CRELD2: variants seen among roughly 807,000 people sequenced by gnomAD.
The protein encoded by CRELD2 is CRELD disulfide isomerase 2.
CRELD2 carries 33 observed loss-of-function variants against 48.1 expected under a neutral mutation model. The observed-to-expected ratio is 0.69, with a 90% CI of 0.52 to 0.92. The LOEUF is 0.92. Among genes scored for constraint, CRELD2 ranks in the 40% least tolerant of loss-of-function variants. The probability of loss-of-function intolerance (pLI) is 0.00; values close to 1 mark genes in which losing one functional copy is unlikely to be tolerated. For synonymous variants in CRELD2, 220 were observed against 203.9 expected (o/e 1.08, Z -0.67); for missense variants, 477 against 482.4 (o/e 0.99, Z 0.10).
intron 8 of CRELD2, 177 bp from the exon 9 acceptor site, chr22:49,925,240 T>C (rs994359757): frequency 1.9e-6 from 1 of 530,964 alleles, no homozygotes; most frequent in East Asian, 3.2e-5. Flanking sequence ...GGGCCCAACT[T>C]GGAGACGTGA....
At chr22:49,922,944 G>A (rs2060716617) in intron 6 of CRELD2, among the ~76,000 whole-genome samples, 1 of 95,324 alleles carries the variant, frequency 1.0e-5, no homozygotes, top group African/African-American at 6.3e-5. Flanking sequence ...GTGAGGTGTG[G>A]GGGCACTCAC....
In CRELD2 at chr22:49,924,426, G is replaced by T. The variant is rs747989649; in HGVS notation, c.839G>T (p.Gly280Val). 5 of 1,611,202 alleles carry T rather than the reference G, an allele frequency of 3.1e-6. No homozygotes were observed. The highest frequency in any genetic ancestry group is 4.2e-6 in the Non-Finnish European group (5 of 1,178,808). ...GGAAACTGTAAAGAGTGTATCTCTG[G>T]CTACGCGAGGGAGCACGGACAGTGT... is the stretch of plus-strand genomic sequence containing the variant. ...GPGNCKECISGYAREHGQCAD... is the reference protein window; with the variant it reads ...GPGNCKECISVYAREHGQCAD... The change falls in exon 8 of 10, where the codon GGC becomes GTC. Residue 280 changes from glycine (G) to valine (V), a missense_variant. Coordinates refer to ENST00000328268, the MANE Select transcript of CRELD2 (RefSeq NM_024324.5).
intron 7 of CRELD2, 104 bp downstream of exon 7, chr22:49,923,421 C>A: frequency 1.2e-6 from 1 of 866,856 alleles, no homozygotes; most frequent in Non-Finnish European, 1.9e-6. Context: ...ATACATCCTG[C>A]CTGCCCTGAG....
intron 4 of CRELD2, among the ~76,000 whole-genome samples, chr22:49,920,783 C>T (rs945850844): frequency 1.3e-5 from 2 of 152,224 alleles, no homozygotes; most frequent in South Asian, 2.1e-4. Context: ...CGTGGTCAAG[C>T]GAGATCAGGT....
chr22:49,925,214 AT>A, intron 8 of CRELD2: 1 of 478,606 alleles, frequency 2.1e-6, no homozygotes. Context: ...TCTTCTCTGC[AT>A]TTTCTACCAG....
chr22:49,923,429 G>A, intron 7 of CRELD2, 112 bp downstream of exon 7: 1 of 822,344 alleles, frequency 1.2e-6, no homozygotes, highest in Admixed American at 2.0e-5. Context: ...TGCCTGCCCT[G>A]AGAACACTTA....
chr22:49,922,901 G>GTA, intron 6 of CRELD2, among the ~76,000 whole-genome samples, 194 bp downstream of exon 6: 1 of 69,976 alleles, frequency 1.4e-5, no homozygotes, highest in South Asian at 6.3e-4. Context: ...AGCATGAGGT[G>GTA]GGGCGTGAGG....
chr22:49,920,887 T>C (rs2060678789), intron 4 of CRELD2, among the ~76,000 whole-genome samples: 1 of 152,230 alleles, frequency 6.6e-6, no homozygotes, highest in Non-Finnish European at 1.5e-5. Flanking sequence ...AGGCCGCAGC[T>C]AATGTTCCCA....
chr22:49,922,877 GTGAGGTGTGGGGGAGCA>G (rs2060712877), intron 6 of CRELD2, among the ~76,000 whole-genome samples, 170 bp downstream of exon 6: 1 of 69,628 alleles, frequency 1.4e-5, no homozygotes, highest in Non-Finnish European at 2.6e-5. Flanking sequence ...TGTGGGGGGC[GTGAGGTGTGGGGGAGCA>G]TGAGGTGGGG....
Position 49,922,891 on chromosome 22 carries a change from AGCATGAGGTGGG to A in CRELD2, c.688+187_688+198del, listed in dbSNP as rs1459435541. Among the ~76,000 whole-genome samples the A allele has an allele frequency of 6.2e-4, 9 of 14,560 alleles. No individual in the cohort carries two copies. In the East Asian group the frequency reaches 0.015, roughly 25 times the overall value. The allele number at this position is 14,560 out of a possible 152,430, so 9.6% of individuals were successfully genotyped here. A position where few individuals can be genotyped will look rare whatever the true frequency, so the allele number is the denominator to read the frequency against. ...GTGTGGGGGGCGTGAGGTGTGGGGG[AGCATGAGGTGGG>A]GCGTGAGGTGTGGGGGCGTGAGGTG... On this transcript the variant is annotated intron_variant, in intron 6 of 9. Transcript: ENST00000328268.
At chr22:49,919,098 A>G (rs2060648097) in intron 1 of CRELD2, 132 bp from the exon 2 acceptor site, 4 of 997,344 alleles carry the variant, frequency 4.0e-6, no homozygotes, top group Non-Finnish European at 6.2e-6. Context: ...CTTGACCCGG[A>G]TCCACCCCCA....
intron 2 of CRELD2, 67 bp from the exon 3 acceptor site, chr22:49,919,663 T>G: frequency 6.6e-6 from 8 of 1,216,466 alleles, no homozygotes; most frequent in Non-Finnish European, 7.0e-6. Context: ...GGTTGGCGTA[T>G]TGGTTCGGAT....
chr22:49,927,234 C>G lies in CRELD2; in HGVS notation c.1010-21C>G, dbSNP rs571117214. On this transcript the variant is annotated intron_variant, in intron 9 of 9. Transcript: ENST00000328268. ...GGCCCTTTGTGCTCAGCCTTGACGA[C>G]CTATGCTTGTTTTCTGACAGAAGCC... 5 of 1,611,026 alleles carry G rather than the reference C, an allele frequency of 3.1e-6. No individual in the cohort carries two copies. In the African/African-American group the frequency reaches 6.7e-5, roughly 22 times the overall value.
At chr22:49,919,100 C>A in intron 1 of CRELD2, 130 bp from the exon 2 acceptor site, 1 of 1,009,572 alleles carries the variant, frequency 9.9e-7, no homozygotes, top group Non-Finnish European at 1.5e-6. Flanking sequence ...TGACCCGGAT[C>A]CACCCCCACC....
At chr22:49,925,732 T>C in intron 9 of CRELD2, 175 bp downstream of exon 9, 1 of 1,423,606 alleles carries the variant, frequency 7.0e-7, no homozygotes, top group Non-Finnish European at 9.2e-7. Flanking sequence ...GCGCGAGAGG[T>C]ACTGGCTTCC....
In CRELD2 at chr22:49,922,705, T is replaced by C; in HGVS notation, c.686T>C (p.Val229Ala). 1 of 1,489,746 alleles carries C rather than the reference T, an allele frequency of 6.7e-7. No individual in the cohort carries two copies. Among genetic ancestry groups the C allele is most frequent in the Non-Finnish European group, 8.9e-7 (1 of 1,120,242 alleles). The allele number at this position is 1,489,746 out of a possible 1,614,324, so 92.3% of individuals were successfully genotyped here. A position where few individuals can be genotyped will look rare whatever the true frequency, so the allele number is the denominator to read the frequency against. ...VGWVLDEGAC[V>A]DVDECAAEPP... Reference sequence around the variant, plus strand: ...TGGGTGCTGGACGAGGGCGCCTGTGTGGGTGAGGAGCGGCCCGGGGGTGGA... The same window carrying C: ...TGGGTGCTGGACGAGGGCGCCTGTGCGGGTGAGGAGCGGCCCGGGGGTGGA... The change falls in exon 6 of 10, where the codon GTG becomes GCG. Residue 229 changes from valine (V) to alanine (A), a missense_variant and splice_region_variant. Coordinates refer to ENST00000328268, the MANE Select transcript of CRELD2 (RefSeq NM_024324.5).
intron 7 of CRELD2, 74 bp downstream of exon 7, chr22:49,923,391 G>A: frequency 8.6e-7 from 1 of 1,162,540 alleles, no homozygotes; most frequent in Non-Finnish European, 1.3e-6. Context: ...ATTCATTTAT[G>A]GCTTCTTAGT....
At chr22:49,923,785 G>A in intron 7 of CRELD2, 1 of 271,996 alleles carries the variant, frequency 3.7e-6, no homozygotes, top group African/African-American at 2.3e-5. Context: ...AACACTTGAA[G>A]GTAAACTTTT....
At chr22:49,919,702 G>A (rs772805513) in intron 2 of CRELD2, 28 bp from the exon 3 acceptor site, 3 of 1,542,228 alleles carry the variant, frequency 1.9e-6, no homozygotes, top group Non-Finnish European at 2.6e-6. Context: ...AGGCGCTGAC[G>A]GTGGGCCGGT....
Sources: gnomAD v4.1 joint callset for allele counts (sites outside exome capture counted in the v4.1 genomes callset) on GRCh38, gnomAD v4.1.1 for gene constraint, MANE v1.5 for transcripts, NCBI Gene and HGNC (gene_info 2026-07-23, HGNC 2026-07-21) for gene names.